The following KIAA0319 variants were observed in gnomAD, a reference collection of about 807,000 sequenced individuals.
KIAA0319 encodes dyslexia-associated protein KIAA0319.
Under a neutral mutation model 108.4 loss-of-function variants are expected in KIAA0319, and 83 were observed. The ratio of observed to expected loss-of-function variants is 0.77; its 90% CI spans 0.64 to 0.92. The LOEUF (loss-of-function observed/expected upper bound fraction) is 0.92, where lower values mean the gene tolerates loss of function less well. KIAA0319 is among the 40% of genes least tolerant of loss of function. KIAA0319 has a pLI of 0.00. For synonymous variants in KIAA0319, 484 were observed against 510.4 expected, an observed-to-expected ratio of 0.95 and a Z score of 0.70; for missense variants, 1,195 against 1,322.4, an observed-to-expected ratio of 0.90 and a Z score of 1.49.
Position 24,597,391 on chromosome 6 carries a change from G to A in KIAA0319, c.56-773C>T, listed in dbSNP as rs1440374581. Among the ~76,000 whole-genome samples the A allele has an allele frequency of 5.9e-5, 9 of 152,320 alleles. No homozygotes were observed. The East Asian group carries it at 1.5e-3, about 26-fold the overall frequency. On this transcript the variant is annotated intron_variant, in intron 2 of 20. Transcript: ENST00000378214. ...AAAGCTTAGGGCAGTTTTCAGTGTG[G>A]CTGGAGGTGGTGGATTCCTTGGGAC... is the stretch of plus-strand genomic sequence containing the variant.
chr6:24,612,956 G>A (rs1464321408), intron 1 of KIAA0319, among the ~76,000 whole-genome samples: 5 of 151,974 alleles, frequency 3.3e-5, no homozygotes, highest in Admixed American at 1.3e-4. Flanking sequence ...CCGCCACCAC[G>A]CCCGACTAAT....
rs1249986749 is a variant in KIAA0319, at chr6:24,545,437, C to T, written c.*1728G>A. On this transcript the variant is annotated 3_prime_UTR_variant, in exon 21 of 21. Transcript: ENST00000378214. Reference sequence around the variant, plus strand: ...TGACTTTACATTTGGGCTGCTGTCCCCTATGCCAGAAATTCACATTTGCAT... The same window carrying T: ...TGACTTTACATTTGGGCTGCTGTCCTCTATGCCAGAAATTCACATTTGCAT... 1.3e-5 allele frequency: 2 copies of T among 152,104 alleles called. No individual in the cohort carries two copies. Among genetic ancestry groups the T allele is most frequent in the African/African-American group, 4.8e-5 (2 of 41,406 alleles). 9.4% of individuals were successfully genotyped at this position (152,104 alleles called of 1,614,324 possible). A position where few individuals can be genotyped will look rare whatever the true frequency, so the allele number is the denominator to read the frequency against.
chr6:24,598,625 C>A, intron 2 of KIAA0319: 1 of 324,952 alleles, frequency 3.1e-6, no homozygotes, highest in Non-Finnish European at 6.0e-6. Flanking sequence ...TCTGTAATCC[C>A]AACACTTTGG....
chr6:24,588,116 G>A (rs1460665881), intron 4 of KIAA0319, among the ~76,000 whole-genome samples: 1 of 152,240 alleles, frequency 6.6e-6, no homozygotes, highest in Non-Finnish European at 1.5e-5. Flanking sequence ...GGCAATGAAT[G>A]AGAGATGATG....
intron 16 of KIAA0319, among the ~76,000 whole-genome samples, chr6:24,562,096 A>G (rs1413296135): frequency 1.3e-5 from 2 of 152,194 alleles, no homozygotes; most frequent in Non-Finnish European, 1.5e-5. Context: ...TTGGCCTCCC[A>G]AAGTGTTGGG....
chr6:24,615,097 A>T (rs1249487173), intron 1 of KIAA0319, among the ~76,000 whole-genome samples: 1 of 152,240 alleles, frequency 6.6e-6, no homozygotes, highest in East Asian at 1.9e-4. Flanking sequence ...AGTTAATTGT[A>T]ATGAATTTTT....
In KIAA0319 at chr6:24,630,508, CA is replaced by C. The variant is rs66787757; in HGVS notation, c.-106+15227del. On this transcript the variant is annotated intron_variant, in intron 1 of 20. Transcript: ENST00000378214. ...TGGGTGACAGAGCAAGATTCTGTCTCAAAAAAAAAAAAAAAAAAAAAAAGAA... is the reference window on the plus strand; with the variant it reads ...TGGGTGACAGAGCAAGATTCTGTCTCAAAAAAAAAAAAAAAAAAAAAAGAA... Among the ~76,000 whole-genome samples the C allele has an allele frequency of 7.8e-3, 810 of 104,318 alleles. 2 individuals carry two copies. The highest frequency in any genetic ancestry group is 0.025 in the African/African-American group (695 of 27,626). 68.4% of individuals were successfully genotyped at this position (104,318 alleles called of 152,430 possible). A position where few individuals can be genotyped will look rare whatever the true frequency, so the allele number is the denominator to read the frequency against.
Position 24,601,180 on chromosome 6 carries a change from T to G in KIAA0319, c.-77A>C. The G allele has an allele frequency of 6.4e-7, 1 of 1,574,784 alleles. No individual in the cohort carries two copies. Among genetic ancestry groups the G allele is most frequent in the Non-Finnish European group, 8.6e-7 (1 of 1,159,856 alleles). ...GTTTGGTGCAAGCTTCCTTTGATGT[T>G]TTTTAGGAGCCAGATTTGGCCTCAA... On this transcript the variant is annotated 5_prime_UTR_variant, in exon 2 of 21. Coordinates refer to ENST00000378214, the MANE Select transcript of KIAA0319 (RefSeq NM_014809.4).
intron 1 of KIAA0319, among the ~76,000 whole-genome samples, chr6:24,633,165 T>G (rs1775788282): frequency 1.3e-5 from 2 of 152,196 alleles, no homozygotes; most frequent in Admixed American, 1.3e-4. Context: ...GCAGTAACAC[T>G]GTGAGGCTGG....
intron 1 of KIAA0319, among the ~76,000 whole-genome samples, chr6:24,608,794 G>A (rs1189338095): frequency 6.6e-6 from 1 of 151,862 alleles, no homozygotes; most frequent in African/African-American, 2.4e-5. Flanking sequence ...AGTCGGGCAT[G>A]GTGGCAGGCA....
intron 16 of KIAA0319, among the ~76,000 whole-genome samples, chr6:24,561,746 C>T (rs938216471): frequency 1.3e-5 from 2 of 151,968 alleles, no homozygotes; most frequent in Admixed American, 1.3e-4. Context: ...CGCTCTGTCA[C>T]CCAGGCTGAA....
At position 24,547,033 on chromosome 6, in the gene KIAA0319, G is replaced by T. The variant is rs528543316; in HGVS notation, c.*132C>A. ...CCTTCAAAAACCGGTCTTTTAGTACGTGGGGATACACATCTAACCCACTGG... is the reference window on the plus strand; with the variant it reads ...CCTTCAAAAACCGGTCTTTTAGTACTTGGGGATACACATCTAACCCACTGG... On this transcript the variant is annotated 3_prime_UTR_variant, in exon 21 of 21. Transcript: ENST00000378214. 24 of 900,714 alleles carry T rather than the reference G, an allele frequency of 2.7e-5. No individual in the cohort carries two copies. Among genetic ancestry groups the T allele is most frequent in the Non-Finnish European group, 3.9e-5 (23 of 584,268 alleles). 55.8% of individuals were successfully genotyped at this position (900,714 alleles called of 1,614,324 possible). A position where few individuals can be genotyped will look rare whatever the true frequency, so the allele number is the denominator to read the frequency against.
intron 1 of KIAA0319, among the ~76,000 whole-genome samples, chr6:24,641,839 C>T (rs1404603686): frequency 6.6e-6 from 1 of 151,744 alleles, no homozygotes; most frequent in Non-Finnish European, 1.5e-5. Flanking sequence ...CAAAACCAGT[C>T]GGGGCAACAT....
chr6:24,601,030 CAGGGTAGT>C lies in KIAA0319; in HGVS notation c.55+11_55+18del, dbSNP rs1562040718. The C allele has an allele frequency of 1.2e-6, 2 of 1,613,796 alleles. No homozygotes were observed. The highest frequency in any genetic ancestry group is 2.2e-5 in the South Asian group (2 of 91,034). On this transcript the variant is annotated intron_variant, in intron 2 of 20. Coordinates refer to ENST00000378214, the MANE Select transcript of KIAA0319 (RefSeq NM_014809.4). ...AACTCAAGTCCAACACGGGTATCTC[CAGGGTAGT>C]AGTTCCCTACCTGCAATTGTCACCA...
intron 1 of KIAA0319, among the ~76,000 whole-genome samples, chr6:24,640,161 A>AT (rs1776737587): frequency 6.6e-6 from 1 of 152,106 alleles, no homozygotes; most frequent in Non-Finnish European, 1.5e-5. Context: ...CTAACTTTCA[A>AT]TTTTTTAAAG....
intron 1 of KIAA0319, among the ~76,000 whole-genome samples, chr6:24,603,476 G>C (rs1372113684): frequency 1.3e-5 from 2 of 152,196 alleles, no homozygotes; most frequent in Non-Finnish European, 1.5e-5. Flanking sequence ...AAGATGGTAT[G>C]TTGTAATAAA....
chr6:24,645,835 G>T lies in KIAA0319; in HGVS notation c.-205C>A, dbSNP rs1777539169. 1 of 122,144 alleles carries T rather than the reference G, an allele frequency of 8.2e-6. No individual in the cohort carries two copies. The highest frequency in any genetic ancestry group is 1.8e-5 in the Non-Finnish European group (1 of 55,440). The allele number at this position is 122,144 out of a possible 1,614,324, so 7.6% of individuals were successfully genotyped here. On this transcript the variant is annotated 5_prime_UTR_variant, in exon 1 of 21. The change creates a new upstream start codon in the 5' untranslated region. Coordinates refer to ENST00000378214, the MANE Select transcript of KIAA0319 (RefSeq NM_014809.4). ...CTTGTTCCTCCTCGTCGTCATCGCA[G>T]GTCTTACACACACACACACACACAC...
intron 14 of KIAA0319, among the ~76,000 whole-genome samples, chr6:24,564,858 C>T (rs1763673223): frequency 6.6e-6 from 1 of 152,068 alleles, no homozygotes; most frequent in Non-Finnish European, 1.5e-5. Context: ...GGGGTGATAA[C>T]GAATATGTGC....
rs371920164 is a variant in KIAA0319, at chr6:24,596,235, C to G, written c.439G>C (p.Asp147His). The change falls in exon 3 of 21, where the codon GAT (aspartate) becomes CAT (histidine). Residue 147 changes from aspartate to histidine, a missense_variant. Asp to His is a moderately conservative substitution (Grantham distance 81). Transcript: ENST00000378214. ...TCAGACATCTCCTCTAGGCCCCAAT[C>G]TTTGCCTAGAAAGGTCAAGTCCTTT... is the stretch of plus-strand genomic sequence containing the variant. ...IRKDLTFLGK[D>H]WGLEEMSEYS... 6.2e-7 allele frequency: 1 copy of G among 1,614,228 alleles called. No individual in the cohort carries two copies. The highest frequency in any genetic ancestry group is 1.7e-5 in the Admixed American group (1 of 60,038).
Sources: allele counts gnomAD v4.1 joint callset (sites outside exome capture counted in the v4.1 genomes callset), GRCh38; gene constraint gnomAD v4.1.1; transcripts MANE v1.5; gene names NCBI Gene and HGNC (gene_info 2026-07-23, HGNC 2026-07-21).